KMT2C: variants seen among roughly 807,000 people sequenced by gnomAD.
KMT2C encodes lysine methyltransferase 2C.
KMT2C carries 88 observed loss-of-function variants against 507.9 expected under a neutral mutation model. The observed-to-expected ratio is 0.17, with a 90% CI of 0.15 to 0.21. The LOEUF is 0.21. Among genes scored for constraint, KMT2C ranks in the 10% least tolerant of loss-of-function variants. The pLI is 1.00. For missense variants in KMT2C, 4,954 were observed against 5,957.8 expected (o/e 0.83, Z 5.55); for synonymous variants, 2,049 against 2,080.8 (o/e 0.98, Z 0.42).
intron 1 of KMT2C, among the ~76,000 whole-genome samples, chr7:152,389,261 A>T (rs1487424209): frequency 6.7e-6 from 1 of 148,618 alleles, no homozygotes; most frequent in Non-Finnish European, 1.5e-5. Context: ...GCTACTCGGG[A>T]GGCTGAGGTA....
Position 152,138,749 on chromosome 7 carries a change from G to A in KMT2C, c.14643+47C>T, listed in dbSNP as rs539422386. On this transcript the variant is annotated intron_variant, in intron 58 of 58. Coordinates refer to ENST00000262189, the MANE Select transcript of KMT2C (RefSeq NM_170606.3). The surrounding 1 kb of genome is among the most constrained non-coding windows in gnomAD (Gnocchi z 4.2). ...GACCTGTGTGAGGAGGGAACTATTCGCCCAGGATCTGAACAACATGGCAGA... is the reference window on the plus strand; with the variant it reads ...GACCTGTGTGAGGAGGGAACTATTCACCCAGGATCTGAACAACATGGCAGA... 12 of 1,155,600 alleles carry A rather than the reference G, an allele frequency of 1.0e-5. No individual in the cohort carries two copies. Among genetic ancestry groups the A allele is most frequent in the South Asian group, 4.3e-5 (3 of 69,426 alleles). 71.6% of individuals were successfully genotyped at this position (1,155,600 alleles called of 1,614,324 possible).
intron 7 of KMT2C, 111 bp downstream of exon 7, chr7:152,273,594 G>A: frequency 1.6e-6 from 2 of 1,247,932 alleles, no homozygotes; most frequent in East Asian, 5.2e-5. Flanking sequence ...TAAAGATTAT[G>A]TATTATTACC....
At position 152,225,160 on chromosome 7, in the gene KMT2C, T is replaced by G. The variant is rs1045621230; in HGVS notation, c.2977-544A>C. 2.0e-5 allele frequency among the ~76,000 whole-genome samples: 3 copies of G among 152,180 alleles called. No homozygotes were observed. The East Asian group carries it at 5.8e-4, about 29-fold the overall frequency. ...CCCCTCTCTCAAGGGTATAAGTTAG[T>G]AGAATATTTGGGAATCTCCAAATCC... is the stretch of plus-strand genomic sequence containing the variant. On this transcript the variant is annotated intron_variant, in intron 18 of 58. Coordinates refer to ENST00000262189, the MANE Select transcript of KMT2C (RefSeq NM_170606.3).
At chr7:152,278,147 G>A (rs374286680) in intron 6 of KMT2C, among the ~76,000 whole-genome samples, 1 of 151,756 alleles carries the variant, frequency 6.6e-6, no homozygotes, top group Admixed American at 6.6e-5. Context: ...TTGCGATAAC[G>A]AGTGAGTTCT....
chr7:152,374,472 G>A (rs2097313792), intron 1 of KMT2C, among the ~76,000 whole-genome samples: 1 of 152,038 alleles, frequency 6.6e-6, no homozygotes, highest in South Asian at 2.1e-4. Flanking sequence ...CTGAACACAT[G>A]AGATATTCAA....
At chr7:152,391,737 A>G (rs1246351964) in intron 1 of KMT2C, among the ~76,000 whole-genome samples, 1 of 151,768 alleles carries the variant, frequency 6.6e-6, no homozygotes, top group Admixed American at 6.6e-5. Flanking sequence ...GGGTTTCACT[A>G]TATTCACCAG....
At chr7:152,253,767 A>G (rs968353016) in intron 9 of KMT2C, among the ~76,000 whole-genome samples, 1 of 152,120 alleles carries the variant, frequency 6.6e-6, no homozygotes, top group African/African-American at 2.4e-5. Context: ...CTCCACATCA[A>G]AAGTCCAATG....
chr7:152,297,488 A>C (rs1037373619), intron 6 of KMT2C, among the ~76,000 whole-genome samples: 6 of 152,202 alleles, frequency 3.9e-5, no homozygotes, highest in Non-Finnish European at 7.3e-5. Flanking sequence ...AAACAATGGG[A>C]GGGAACAGGG....
intron 10 of KMT2C, 23 bp from the exon 11 acceptor site, chr7:152,252,113 A>G: frequency 6.5e-7 from 1 of 1,538,678 alleles, no homozygotes; most frequent in Non-Finnish European, 8.8e-7. Context: ...GTATACTTAA[A>G]TAAAAATTTC....
At chr7:152,388,289 T>C (rs942054482) in intron 1 of KMT2C, among the ~76,000 whole-genome samples, 1 of 152,350 alleles carries the variant, frequency 6.6e-6, no homozygotes, top group Admixed American at 6.5e-5. Flanking sequence ...CCAGGCGTGG[T>C]GGATCACGCC....
At chr7:152,299,094 C>T (rs1004180307) in intron 6 of KMT2C, among the ~76,000 whole-genome samples, 5 of 151,490 alleles carry the variant, frequency 3.3e-5, no homozygotes, top group South Asian at 2.1e-4. Context: ...CCAAGGTAAG[C>T]GGATCACAAG....
chr7:152,288,022 C>CAAAAAA (rs66951420), intron 6 of KMT2C, among the ~76,000 whole-genome samples: 2 of 31,660 alleles, frequency 6.3e-5, no homozygotes, highest in Admixed American at 3.6e-4. Context: ...GAGTCTGCCT[C>CAAAAAA]AAAAAAAAAA....
At chr7:152,362,929 C>T (rs1459694056) in intron 1 of KMT2C, among the ~76,000 whole-genome samples, 1 of 152,146 alleles carries the variant, frequency 6.6e-6, no homozygotes, top group African/African-American at 2.4e-5. Flanking sequence ...AATTCCTTTC[C>T]TTCTGGGCAA....
chr7:152,163,908 G>C (rs1398812931), intron 42 of KMT2C, 82 bp from the exon 43 acceptor site: 3 of 1,383,614 alleles, frequency 2.2e-6, no homozygotes, highest in African/African-American at 2.8e-5. Context: ...CTGTGGTTGA[G>C]GTTACACAGA....
chr7:152,329,531 C>G (rs2096860434), intron 3 of KMT2C, among the ~76,000 whole-genome samples: 1 of 151,082 alleles, frequency 6.6e-6, no homozygotes, highest in African/African-American at 2.4e-5. Context: ...GATCACACTA[C>G]TGCACTCTAC....
chr7:152,162,370 A>C lies in KMT2C; in HGVS notation c.11207T>G (p.Leu3736Trp), dbSNP rs1477191966. The C allele has an allele frequency of 3.1e-6, 5 of 1,614,168 alleles. No individual in the cohort carries two copies. Residue 3736 changes from leucine to tryptophan, a missense_variant, in exon 43 of 59, where the codon TTG becomes TGG. By Grantham distance (61) the Leu-to-Trp change is moderately conservative (BLOSUM62 -2). Transcript: ENST00000262189. ...TACCTTACTACCATTCTGTTCCTCC[A>C]ATTTAGGCTCCTCTTGGCCTGGGCA... ...ESCPGQEEPK[L>W]EEQNGSKVEG... is the part of the protein sequence containing the mutation.
At chr7:152,161,909 A>G (rs974359570) in intron 43 of KMT2C, among the ~76,000 whole-genome samples, 1 of 152,222 alleles carries the variant, frequency 6.6e-6, no homozygotes, top group Non-Finnish European at 1.5e-5. Flanking sequence ...TTGCTTTTTA[A>G]AAAATAGTAA....
At chr7:152,325,467 T>TG (rs1425575683) in intron 3 of KMT2C, among the ~76,000 whole-genome samples, 20 of 141,068 alleles carry the variant, frequency 1.4e-4, no homozygotes, top group South Asian at 6.6e-4. Context: ...TTTATGTGTG[T>TG]TTTTTTTTTT....
intron 9 of KMT2C, among the ~76,000 whole-genome samples, chr7:152,253,356 G>A (rs1177487900): frequency 2.0e-5 from 3 of 151,512 alleles, no homozygotes; most frequent in South Asian, 2.1e-4. Flanking sequence ...AATTTTTGTG[G>A]AGTAAGTCTG....
Sources: gnomAD v4.1 joint callset for allele counts (sites outside exome capture counted in the v4.1 genomes callset) on GRCh38, gnomAD v4.1.1 for gene constraint, Gnocchi (gnomAD v3.1) non-coding constraint, MANE v1.5 for transcripts, NCBI Gene and HGNC (gene_info 2026-07-23, HGNC 2026-07-21) for gene names.